SEMA6C: variants seen among roughly 807,000 people sequenced by gnomAD.
SEMA6C encodes the protein semaphorin 6C, also known as semaphorin-6C.
SEMA6C carries 37 observed loss-of-function variants against 72.9 expected under a neutral mutation model. The ratio of observed to expected loss-of-function variants is 0.51; its 90% CI spans 0.39 to 0.67. The LOEUF (loss-of-function observed/expected upper bound fraction) is 0.67, where lower values mean the gene tolerates loss of function less well. Ranked by LOEUF, SEMA6C falls within the 30% of genes least tolerant of loss-of-function variation. The pLI, the probability that SEMA6C is intolerant of heterozygous loss-of-function variation, is 0.00. For synonymous variants in SEMA6C, 578 were observed against 554.1 expected, an observed-to-expected ratio of 1.04 and a Z score of -0.61; for missense variants, 1,189 against 1,263.6, an observed-to-expected ratio of 0.94 and a Z score of 0.89.
intron 10 of SEMA6C, 145 bp from the exon 11 acceptor site, chr1:151,137,219 G>A (rs1682104389): frequency 1.5e-6 from 1 of 654,870 alleles, no homozygotes; most frequent in South Asian, 1.8e-5. Context: ...GCTGAGGTGG[G>A]TGGATCACGA....
Position 151,142,591 on chromosome 1 carries a change from G to T in SEMA6C, c.31C>A (p.Leu11Met). 1.2e-6 allele frequency: 2 copies of T among 1,602,490 alleles called. No individual in the cohort carries two copies. Among genetic ancestry groups the T allele is most frequent in the Non-Finnish European group, 1.7e-6 (2 of 1,174,148 alleles). The change falls in exon 3 of 19, where the codon CTG (leucine) becomes ATG (methionine). Residue 11 changes from leucine (L) to methionine (M), a missense_variant. Around this residue, in one of 2 missense-constraint regions of SEMA6C, gnomAD observed 468 missense variants for 577.4 expected, o/e 0.81. Transcript: ENST00000368914. MPRAPHFMPL[L>M]LLLLLLSLPH... ...AGTGAGAGCAGCAGCAGCAGTAGCA[G>T]CAAGGGCATGAAGTGGGGGGCACGG...
chr1:151,139,447 C>T lies in SEMA6C; in HGVS notation c.332G>A (p.Cys111Tyr). The change falls in exon 6 of 19, where the codon TGT becomes TAT. Residue 111 changes from cysteine to tyrosine, a missense_variant. This residue lies in a region of SEMA6C where 468 missense variants were observed against 577.4 expected (regional missense o/e 0.81). Coordinates refer to ENST00000368914, the MANE Select transcript of SEMA6C (RefSeq NM_030913.6). Reference protein sequence around the residue: ...LTWRSQDVENCAVRGKLTDEC... With the variant: ...LTWRSQDVENYAVRGKLTDEC... ...TACCGTCAGCTTTCCCCGTACAGCA[C>T]AGTTCTCCACATCTTGGCTTCTCCA... 10 of 1,614,098 alleles carry T rather than the reference C, an allele frequency of 6.2e-6. No individual in the cohort carries two copies. The highest frequency in any genetic ancestry group is 8.5e-6 in the Non-Finnish European group (10 of 1,179,942).
At chr1:151,139,842 G>T (rs1682383391) in intron 4 of SEMA6C, 134 bp downstream of exon 4, 2 of 1,197,130 alleles carry the variant, frequency 1.7e-6, no homozygotes, top group African/African-American at 1.5e-5. Flanking sequence ...TGTGCTCTGG[G>T]TCCAAGCATG....
At position 151,134,679 on chromosome 1, in the gene SEMA6C, G is replaced by C; in HGVS notation, c.1659-4C>G. 1 of 1,614,108 alleles carries C rather than the reference G, an allele frequency of 6.2e-7. No individual in the cohort carries two copies. On this transcript the variant is annotated splice_polypyrimidine_tract_variant and splice_region_variant and intron_variant, in intron 16 of 18. Transcript: ENST00000368914. ...CCCAGCCTGATCCACATCAGTCCTA[G>C]GAGGAAAACGAAGTGGCTATAGAAT...
Position 151,134,399 on chromosome 1 carries a change from A to C in SEMA6C, c.1759+2T>G, listed in dbSNP as rs1416715024. On this transcript the variant is annotated splice_donor_variant, in intron 18 of 18. Coordinates refer to ENST00000368914, the MANE Select transcript of SEMA6C (RefSeq NM_030913.6). LOFTEE classifies it high-confidence loss of function. ...AGGTGAGGTTGGGACAAGAGGACTCACCATAAGCAGAATCCCCAGGGCCAG... is the reference window on the plus strand; with the variant it reads ...AGGTGAGGTTGGGACAAGAGGACTCCCCATAAGCAGAATCCCCAGGGCCAG... The C allele has an allele frequency of 3.2e-6, 5 of 1,585,080 alleles. No individual in the cohort carries two copies. Among genetic ancestry groups the C allele is most frequent in the Non-Finnish European group, 4.3e-6 (5 of 1,165,412 alleles).
chr1:151,135,648 C>T lies in SEMA6C; in HGVS notation c.1376G>A (p.Arg459Gln), dbSNP rs985916781. The change falls in exon 14 of 19, where the codon CGA becomes CAA. Residue 459 changes from arginine (R) to glutamine (Q), a missense_variant. Physicochemically the swap from Arg to Gln is conservative, Grantham distance 43. Around this residue, in one of 2 missense-constraint regions of SEMA6C, gnomAD observed 721 missense variants for 686.2 expected, o/e 1.05. Coordinates refer to ENST00000368914, the MANE Select transcript of SEMA6C (RefSeq NM_030913.6). ...GAGGATGGGCTCAGGTCCCCCGGAT[C>T]GCCCACCTGGGGTCAGCACCTTCAG... ...TVLKVLTPGG[R>Q]SGGPEPILLE... is the part of the protein sequence containing the mutation. The T allele has an allele frequency of 3.1e-6, 5 of 1,614,062 alleles. No individual in the cohort carries two copies. Among genetic ancestry groups the T allele is most frequent in the East Asian group, 2.2e-5 (1 of 44,896 alleles).
chr1:151,142,224 G>C (rs893799398), intron 3 of SEMA6C, among the ~76,000 whole-genome samples: 2 of 152,024 alleles, frequency 1.3e-5, no homozygotes, highest in Non-Finnish European at 2.9e-5. Flanking sequence ...ATTTTTAGTA[G>C]AGATGGGGTT....
chr1:151,133,515 C>G lies in SEMA6C; in HGVS notation c.1762G>C (p.Val588Leu), dbSNP rs1413759475. 2 of 1,507,612 alleles carry G rather than the reference C, an allele frequency of 1.3e-6. No homozygotes were observed. The highest frequency in any genetic ancestry group is 2.3e-4 in the Middle Eastern group (1 of 4,332). 93.4% of individuals were successfully genotyped at this position (1,507,612 alleles called of 1,614,324 possible). A position where few individuals can be genotyped will look rare whatever the true frequency, so the allele number is the denominator to read the frequency against. The change falls in exon 19 of 19, where the codon GTG (valine) becomes CTG (leucine). Residue 588 changes from valine (V) to leucine (L), a missense_variant and splice_region_variant. Transcript: ENST00000368914. The surrounding 1 kb of genome is among the most constrained non-coding windows in gnomAD (Gnocchi z 5.9). ...GAGGCTGGGGGCAGGTCCCGGCGCA[C>G]GCCTGCCGACCGAGAGGGAGGAGGG... Reference protein sequence around the residue: ...QSGPGDSAYGVRRDLPPASAS... With the variant: ...QSGPGDSAYGLRRDLPPASAS...
intron 3 of SEMA6C, among the ~76,000 whole-genome samples, chr1:151,141,161 ATAAAGG>A (rs1682512755): frequency 6.6e-6 from 1 of 152,162 alleles, no homozygotes; most frequent in Non-Finnish European, 1.5e-5. Flanking sequence ...CTGCAAATAG[ATAAAGG>A]TTCTTCTCAG....
rs771553771 is a variant in SEMA6C, at chr1:151,133,323, G to A, written c.1954C>T (p.Arg652Cys). 3.1e-6 allele frequency: 5 copies of A among 1,593,584 alleles called. No individual in the cohort carries two copies. Among genetic ancestry groups the A allele is most frequent in the African/African-American group, 1.3e-5 (1 of 74,584 alleles). Reference protein sequence around the residue: ...TPGLPRPLSLRSLARLHGGGP... With the variant: ...TPGLPRPLSLCSLARLHGGGP... ...CCACCGTGGAGCCGGGCCAAACTGC[G>A]GAGGGAGAGAGGGCGCGGGAGCCCC... Residue 652 changes from arginine to cysteine, a missense_variant, in exon 19 of 19, where the codon CGC becomes TGC. By Grantham distance (180) the Arg-to-Cys change is radical (BLOSUM62 -3). Around this residue, in one of 2 missense-constraint regions of SEMA6C, gnomAD observed 721 missense variants for 686.2 expected, o/e 1.05. Coordinates refer to ENST00000368914, the MANE Select transcript of SEMA6C (RefSeq NM_030913.6). This position sits in a 1 kb window ranked among gnomAD's most constrained non-coding sequence, Gnocchi z 5.9.
rs1682349839 is a variant in SEMA6C at position 151,139,497 on chromosome 1, G to A, written c.298-16C>T. On this transcript the variant is annotated splice_polypyrimidine_tract_variant and intron_variant, in intron 5 of 18. Coordinates refer to ENST00000368914, the MANE Select transcript of SEMA6C (RefSeq NM_030913.6). ...ATGTTAGATACTGAAGGGATAAGTT[G>A]AAGAGGGAAAATCATGGGCAACTGG... 1 of 1,613,414 alleles carries A rather than the reference G, an allele frequency of 6.2e-7. No individual in the cohort carries two copies.
chr1:151,141,470 C>T (rs1380375325), intron 3 of SEMA6C, among the ~76,000 whole-genome samples: 3 of 152,048 alleles, frequency 2.0e-5, no homozygotes, highest in African/African-American at 4.8e-5. Flanking sequence ...AGTGAAATGG[C>T]GCGATCTCGG....
In SEMA6C at chr1:151,132,159, C is replaced by T. The variant is rs1221547178; in HGVS notation, c.*325G>A. On this transcript the variant is annotated 3_prime_UTR_variant, in exon 19 of 19. Transcript: ENST00000368914. ...CTCTGGACACAGCGCGCGCGGCCCGCCCGGGGCACAGTCTCTGGGGGAGCC... is the reference window on the plus strand; with the variant it reads ...CTCTGGACACAGCGCGCGCGGCCCGTCCGGGGCACAGTCTCTGGGGGAGCC... 1 of 1,380,982 alleles carries T rather than the reference C, an allele frequency of 7.2e-7. No individual in the cohort carries two copies. Among genetic ancestry groups the T allele is most frequent in the East Asian group, 3.5e-5 (1 of 28,422 alleles). 85.5% of individuals were successfully genotyped at this position (1,380,982 alleles called of 1,614,324 possible).
chr1:151,137,260 A>G (rs1445318074), intron 10 of SEMA6C, among the ~76,000 whole-genome samples, 186 bp from the exon 11 acceptor site: 1 of 152,108 alleles, frequency 6.6e-6, no homozygotes, highest in Non-Finnish European at 1.5e-5. Flanking sequence ...CCTGGCTAAC[A>G]TGGTGAAACC....
Position 151,132,514 on chromosome 1 carries a change from G to T in SEMA6C, c.2763C>A (p.Ala921=). Residue 921 remains alanine (A), a synonymous_variant, in exon 19 of 19, where the codon GCC becomes GCA. Coordinates refer to ENST00000368914, the MANE Select transcript of SEMA6C (RefSeq NM_030913.6). ...AGTTGAAACGGCCGCCGTTCGGGACGGCCTGGCGGGAGGAGGGCCCGACGA... is the reference window on the plus strand; with the variant it reads ...AGTTGAAACGGCCGCCGTTCGGGACTGCCTGGCGGGAGGAGGGCCCGACGA... ...PPLVGPSSRQ[A]VPNGGRFNF 6.5e-7 allele frequency: 1 copy of T among 1,550,020 alleles called. No homozygotes were observed. Among genetic ancestry groups the T allele is most frequent in the Non-Finnish European group, 8.7e-7 (1 of 1,146,636 alleles).
intron 2 of SEMA6C, 35 bp from the exon 3 acceptor site, chr1:151,142,710 C>T (rs12569193): frequency 0.68 from 775,584 of 1,136,014 alleles, 271,455 homozygotes; most frequent in East Asian, 0.87. Context: ...GGGGGAGGAG[C>T]GAAGTTCCCT....
chr1:151,143,029 A>C (rs879599781), intron 2 of SEMA6C, among the ~76,000 whole-genome samples: 3 of 152,158 alleles, frequency 2.0e-5, no homozygotes, highest in Admixed American at 6.5e-5. Flanking sequence ...CTATAATTAG[A>C]GACTGAAGCC....
rs1558184337 is a variant in SEMA6C, at chr1:151,137,768, T to A, written c.699A>T (p.Gly233=). ...EPHFVQALEH[G]DHVYFFFREV... ...CGCGGAAGAAGAAGTAGACATGGTC[T>A]CCATGCTCCAAGGCCTGGACAAAGT... The change falls in exon 10 of 19, where the codon GGA becomes GGT. Residue 233 remains glycine (G), a synonymous_variant. Transcript: ENST00000368914. 6.2e-7 allele frequency: 1 copy of A among 1,613,674 alleles called. No individual in the cohort carries two copies. The highest frequency in any genetic ancestry group is 1.7e-4 in the Middle Eastern group (1 of 6,060).
At position 151,133,050 on chromosome 1, in the gene SEMA6C, C is replaced by T. The variant is rs1275755881; in HGVS notation, c.2227G>A (p.Gly743Arg). 2 of 1,417,240 alleles carry T rather than the reference C, an allele frequency of 1.4e-6. No homozygotes were observed. The highest frequency in any genetic ancestry group is 3.2e-5 in the East Asian group (1 of 31,690). 87.8% of individuals were successfully genotyped at this position (1,417,240 alleles called of 1,614,324 possible). The part of the protein sequence containing the change: ...GRSRGGHAAG[G>R]PAPRVLVRPP... ...CTCACCAGCACGCGGGGCGCGGGCC[C>T]GCCCGCCGCGTGCCCGCCCCGTGAG... Residue 743 changes from glycine (G) to arginine (R), a missense_variant, in exon 19 of 19, where the codon GGG (glycine) becomes AGG (arginine). This residue lies in a region of SEMA6C where 721 missense variants were observed against 686.2 expected (regional missense o/e 1.05). Coordinates refer to ENST00000368914, the MANE Select transcript of SEMA6C (RefSeq NM_030913.6). The surrounding 1 kb of genome is among the most constrained non-coding windows in gnomAD (Gnocchi z 5.9).
Sources: gnomAD v4.1 joint callset for allele counts (sites outside exome capture counted in the v4.1 genomes callset) on GRCh38, gnomAD v4.1.1 for gene constraint, gnomAD v4.1.1 regional missense constraint, Gnocchi (gnomAD v3.1) non-coding constraint, MANE v1.5 for transcripts, NCBI Gene and HGNC (gene_info 2026-07-23, HGNC 2026-07-21) for gene names.